Variants in LARGE1 observed in about 807,000 individuals in gnomAD.
LARGE1 encodes the protein xylosyl- and glucuronyltransferase LARGE1.
In LARGE1, 43 loss-of-function variants were observed where a neutral mutation model predicts 87.6. That is an observed-to-expected ratio of 0.49 (90% CI 0.38 to 0.63). LARGE1 has a LOEUF of 0.63. Among genes scored for constraint, LARGE1 ranks in the 30% least tolerant of loss-of-function variants. The probability of loss-of-function intolerance (pLI) is 0.00; values close to 1 mark genes in which losing one functional copy is unlikely to be tolerated. For synonymous variants in LARGE1, 434 were observed against 394.6 expected, an observed-to-expected ratio of 1.10 and a Z score of -1.18; for missense variants, 802 against 1,000.2, an observed-to-expected ratio of 0.80 and a Z score of 2.67.
intron 9 of LARGE1, among the ~76,000 whole-genome samples, chr22:33,378,393 C>T (rs1037960214): frequency 1.3e-5 from 2 of 152,162 alleles, no homozygotes; most frequent in Non-Finnish European, 2.9e-5. Context: ...GTTTTATTAA[C>T]TGTTTATCCG....
chr22:33,449,755 A>G (rs1287864165), intron 6 of LARGE1, among the ~76,000 whole-genome samples: 2 of 152,256 alleles, frequency 1.3e-5, no homozygotes, highest in Non-Finnish European at 2.9e-5. Context: ...CAAGGAAACA[A>G]TATGCTGGCC....
At chr22:33,445,599 G>C (rs781268956) in intron 6 of LARGE1, among the ~76,000 whole-genome samples, 1 of 151,642 alleles carries the variant, frequency 6.6e-6, no homozygotes, top group Non-Finnish European at 1.5e-5. Context: ...TAAGCCCCTT[G>C]GAATTTCCTG....
chr22:33,100,908 C>T, the LARGE1 span, among the ~76,000 whole-genome samples: 3 of 150,600 alleles, frequency 2.0e-5, no homozygotes, highest in South Asian at 2.1e-4. Flanking sequence ...GGTGCGATCT[C>T]GGCTCACTGC....
At chr22:33,650,690 A>G in intron 2 of LARGE1, 22 bp from the exon 3 acceptor site, 1 of 1,597,758 alleles carries the variant, frequency 6.3e-7, no homozygotes, top group South Asian at 1.1e-5. Flanking sequence ...AACACCAGGG[A>G]AGCTTTAATC....
chr22:33,516,911 C>A (rs748844626), intron 6 of LARGE1, among the ~76,000 whole-genome samples: 3 of 152,188 alleles, frequency 2.0e-5, no homozygotes, highest in Non-Finnish European at 4.4e-5. Context: ...GCACCTCTGT[C>A]CCCTGTTTAC....
chr22:33,328,910 T>C (rs978413742), intron 10 of LARGE1, among the ~76,000 whole-genome samples: 1 of 152,168 alleles, frequency 6.6e-6, no homozygotes, highest in Admixed American at 6.5e-5. Flanking sequence ...CCTTTCCTTA[T>C]CTGTGAAATG....
intron 6 of LARGE1, among the ~76,000 whole-genome samples, chr22:33,497,226 C>T (rs1204684337): frequency 6.6e-6 from 1 of 152,064 alleles, no homozygotes; most frequent in Non-Finnish European, 1.5e-5. Flanking sequence ...CAAGTGCATG[C>T]CACTATGCCT....
intron 11 of LARGE1, among the ~76,000 whole-genome samples, chr22:33,241,568 A>ATATGTGTGTG (rs1237914452): frequency 1.5e-3 from 221 of 146,648 alleles, no homozygotes; most frequent in African/African-American, 5.8e-3. Context: ...ATATATGTGT[A>ATATGTGTGTG]TATATGTGTG....
At chr22:33,824,072 T>C (rs1413642744) in intron 1 of LARGE1, among the ~76,000 whole-genome samples, 1 of 152,220 alleles carries the variant, frequency 6.6e-6, no homozygotes, top group Non-Finnish European at 1.5e-5. Flanking sequence ...ATCCTCATTT[T>C]ACAGATGAGA....
Position 33,497,894 on chromosome 22 carries a change from T to C in LARGE1, c.788-65629A>G, listed in dbSNP as rs185766921. Among the ~76,000 whole-genome samples the C allele has an allele frequency of 3.0e-3, 458 of 152,292 alleles. 5 individuals are homozygous for C. Among genetic ancestry groups the C allele is most frequent in the African/African-American group, 0.011 (445 of 41,560 alleles). ...TTTCATTTATTTATTTGTTTGTTTG[T>C]TTATTTTTGAGACAGTCTTGCTCTG... On this transcript the variant is annotated intron_variant, in intron 6 of 14. Coordinates refer to ENST00000397394, the MANE Select transcript of LARGE1 (RefSeq NM_133642.5).
At chr22:33,701,036 C>G (rs1002172195) in intron 2 of LARGE1, among the ~76,000 whole-genome samples, 1 of 152,084 alleles carries the variant, frequency 6.6e-6, no homozygotes, top group Non-Finnish European at 1.5e-5. Context: ...AAAATGCGGG[C>G]TCTGATTCAT....
At chr22:33,512,227 A>T (rs1231925202) in intron 6 of LARGE1, among the ~76,000 whole-genome samples, 3 of 152,212 alleles carry the variant, frequency 2.0e-5, no homozygotes, top group African/African-American at 7.2e-5. Context: ...AATTTATATT[A>T]AAAATGAATC....
At chr22:33,882,891 C>T (rs181714880) in intron 1 of LARGE1, among the ~76,000 whole-genome samples, 67 of 152,238 alleles carry the variant, frequency 4.4e-4, no homozygotes, top group Admixed American at 3.7e-3. Flanking sequence ...CTAATCACTC[C>T]ATAATCCAAT....
intron 6 of LARGE1, among the ~76,000 whole-genome samples, chr22:33,530,165 C>T (rs190571946): frequency 3.9e-5 from 6 of 152,294 alleles, no homozygotes; most frequent in African/African-American, 2.4e-5. Context: ...GCTCTTGCTT[C>T]CTGTTTGGGA....
rs1302950116 is a variant in LARGE1 at position 33,302,601 on chromosome 22, C to G, written c.1730+1628G>C. Among the ~76,000 whole-genome samples, 5 of 152,266 alleles carry G rather than the reference C, an allele frequency of 3.3e-5. No homozygotes were observed. In the South Asian group the frequency reaches 1.0e-3, roughly 32 times the overall value. ...CAGAAAGTTTAAAGACTCCTAGAAG[C>G]TCTTTTCAGAGAGAAAGAGACAGAG... On this transcript the variant is annotated intron_variant, in intron 12 of 14. Transcript: ENST00000397394.
chr22:33,353,512 ACCAC>A (rs1940599357), intron 9 of LARGE1, among the ~76,000 whole-genome samples: 2 of 152,180 alleles, frequency 1.3e-5, no homozygotes, highest in Admixed American at 6.5e-5. Flanking sequence ...GTCAGAGAAA[ACCAC>A]GCTGAAGGAT....
At chr22:33,472,448 T>C (rs377203264) in intron 6 of LARGE1, among the ~76,000 whole-genome samples, 22 of 152,288 alleles carry the variant, frequency 1.4e-4, no homozygotes, top group African/African-American at 5.1e-4. Flanking sequence ...TGGTTTCCAA[T>C]GAGAGCAGGA....
chr22:33,765,268 C>T (rs1428762690), intron 1 of LARGE1, among the ~76,000 whole-genome samples: 2 of 152,170 alleles, frequency 1.3e-5, no homozygotes, highest in East Asian at 3.9e-4. Flanking sequence ...ATCCTAAGAA[C>T]TCTTGCCAGA....
At chr22:33,518,679 G>A (rs1348534944) in intron 6 of LARGE1, among the ~76,000 whole-genome samples, 2 of 152,166 alleles carry the variant, frequency 1.3e-5, no homozygotes, top group Non-Finnish European at 2.9e-5. Context: ...TGTTGATCAT[G>A]ATAGTGTCCA....
Sources: allele counts gnomAD v4.1 joint callset (sites outside exome capture counted in the v4.1 genomes callset), GRCh38; gene constraint gnomAD v4.1.1; transcripts MANE v1.5; gene names NCBI Gene and HGNC (gene_info 2026-07-23, HGNC 2026-07-21).